TRANK1: variants seen among roughly 807,000 people sequenced by gnomAD.
The protein encoded by TRANK1 is tetratricopeptide repeat and ankyrin repeat containing 1.
A neutral mutation model predicts 266.0 loss-of-function variants in TRANK1; 198 were observed. That is an observed-to-expected ratio of 0.74 (90% confidence interval 0.66 to 0.84). The LOEUF (loss-of-function observed/expected upper bound fraction) is 0.84, where lower values mean the gene tolerates loss of function less well. TRANK1 is among the 40% of genes least tolerant of loss of function. TRANK1 has a pLI of 0.00. For missense variants in TRANK1, 3,326 were observed against 3,634.6 expected, an observed-to-expected ratio of 0.92 and a Z score of 2.18; for synonymous variants, 1,396 against 1,384.1, an observed-to-expected ratio of 1.01 and a Z score of -0.19.
chr3:36,833,760 C>T lies in TRANK1; in HGVS notation c.5823G>A (p.Val1941=), dbSNP rs754558125. Residue 1941 remains valine (V), a synonymous_variant, in exon 22 of 24, where the codon GTG becomes GTA. Coordinates refer to ENST00000645898, the MANE Select transcript of TRANK1 (RefSeq NM_001329998.2). The part of the protein sequence containing the change: ...LSKLDIEDQL[V]FLKSRKRLAE... ...CTAAGCGTTTCCGAGACTTCAAGAA[C>T]ACCAGCTGGTCTTCTATGTCTAGCT... 1 of 1,614,032 alleles carries T rather than the reference C, an allele frequency of 6.2e-7. No homozygotes were observed. The highest frequency in any genetic ancestry group is 2.2e-5 in the East Asian group (1 of 44,886).
intron 5 of TRANK1, among the ~76,000 whole-genome samples, chr3:36,894,245 C>A (rs1378689159): frequency 6.6e-6 from 1 of 152,176 alleles, no homozygotes; most frequent in Middle Eastern, 3.2e-3. Flanking sequence ...CCATGGAGCT[C>A]TATTCATATC....
At chr3:36,860,758 C>T (rs1321554699) in intron 11 of TRANK1, 148 bp downstream of exon 11, 3 of 1,227,436 alleles carry the variant, frequency 2.4e-6, no homozygotes, top group Non-Finnish European at 2.2e-6. Context: ...ACCTCCATCA[C>T]TGTTTCAAAA....
chr3:36,894,565 A>C (rs1326162413), intron 5 of TRANK1, among the ~76,000 whole-genome samples: 1 of 152,126 alleles, frequency 6.6e-6, no homozygotes. Context: ...ATTTTTTAAT[A>C]CAGGGGTAAG....
intron 6 of TRANK1, among the ~76,000 whole-genome samples, chr3:36,892,617 T>TC (rs1047757930): frequency 3.3e-5 from 5 of 151,968 alleles, no homozygotes; most frequent in Admixed American, 2.6e-4. Flanking sequence ...TCACCTGAGG[T>TC]CAGGAGTTCA....
chr3:36,940,515 A>G (rs1243553553), intron 1 of TRANK1, among the ~76,000 whole-genome samples: 1 of 146,204 alleles, frequency 6.8e-6, no homozygotes, highest in Non-Finnish European at 1.5e-5. Flanking sequence ...AAAAAAAAAG[A>G]AGCTGCTCCT....
intron 1 of TRANK1, among the ~76,000 whole-genome samples, chr3:36,927,372 T>C (rs1024112238): frequency 1.4e-4 from 22 of 152,356 alleles, no homozygotes; most frequent in African/African-American, 5.3e-4. Context: ...AGACAACAGA[T>C]AAGTTGTAAG....
At chr3:36,918,611 GAAAGAAA>G (rs2080169976) in intron 1 of TRANK1, among the ~76,000 whole-genome samples, 11 of 135,582 alleles carry the variant, frequency 8.1e-5, no homozygotes, top group African/African-American at 2.3e-4. Flanking sequence ...AGGAAGGAAA[GAAAGAAA>G]GAAAGAAAGA....
Position 36,832,162 on chromosome 3 carries a change from A to G in TRANK1, c.7421T>C (p.Val2474Ala), listed in dbSNP as rs1207826611. ...GTAGCTCTTGGGGAGGCATAGAATGACATTCTTCCAGAGGCGGGCCAGCAC... is the reference window on the plus strand; with the variant it reads ...GTAGCTCTTGGGGAGGCATAGAATGGCATTCTTCCAGAGGCGGGCCAGCAC... ...GVVLARLWKN[V>A]ILCLPKSYIA... Residue 2474 changes from valine to alanine, a missense_variant, in exon 22 of 24, where the codon GTC (valine) becomes GCC (alanine). Val to Ala is a moderately conservative substitution (Grantham distance 64, BLOSUM62 0). Transcript: ENST00000645898. 1.2e-6 allele frequency: 2 copies of G among 1,613,882 alleles called. No homozygotes were observed. Among genetic ancestry groups the G allele is most frequent in the Non-Finnish European group, 1.7e-6 (2 of 1,179,892 alleles).
chr3:36,843,598 C>T (rs764143131), intron 17 of TRANK1, among the ~76,000 whole-genome samples: 1 of 151,420 alleles, frequency 6.6e-6, no homozygotes, highest in Non-Finnish European at 1.5e-5. Flanking sequence ...CTGCCACCTG[C>T]ATCCCCCAGA....
At chr3:36,933,860 A>C (rs1385555800) in intron 1 of TRANK1, among the ~76,000 whole-genome samples, 2 of 152,190 alleles carry the variant, frequency 1.3e-5, no homozygotes, top group African/African-American at 4.8e-5. Context: ...AGTCTGTGGG[A>C]CTCAAGACCT....
chr3:36,836,060 C>T (rs2125511751), intron 20 of TRANK1, among the ~76,000 whole-genome samples: 1 of 152,314 alleles, frequency 6.6e-6, no homozygotes, highest in Admixed American at 6.5e-5. Context: ...ATTAAAGCCA[C>T]AGTGAAATAC....
chr3:36,918,168 T>G lies in TRANK1; in HGVS notation c.24-9714A>C, dbSNP rs553463644. ...AGCCAGTCACCAAAAAACAAGTATTTTACAATTCTACTTATATGAGCTACT... is the reference window on the plus strand; with the variant it reads ...AGCCAGTCACCAAAAAACAAGTATTGTACAATTCTACTTATATGAGCTACT... On this transcript the variant is annotated intron_variant, in intron 1 of 23. Transcript: ENST00000645898. 3.3e-5 allele frequency among the ~76,000 whole-genome samples: 5 copies of G among 152,168 alleles called. No individual in the cohort carries two copies. In the South Asian group the frequency reaches 1.0e-3, roughly 32 times the overall value.
Position 36,889,839 on chromosome 3 carries a change from G to A in TRANK1, c.897C>T (p.Tyr299=). ...AATGCCACTACTCACGCTTAACGAG[G>A]TATCCTGGGGAGTGGGCAGCGACGA... The part of the protein sequence containing the change: ...LHVVAAHSPG[Y]LVKRQTEDVQ... Residue 299 remains tyrosine (Y), a synonymous_variant, in exon 8 of 24, where the codon TAC becomes TAT. Transcript: ENST00000645898. 1.3e-6 allele frequency: 2 copies of A among 1,536,198 alleles called. No individual in the cohort carries two copies. The highest frequency in any genetic ancestry group is 8.7e-7 in the Non-Finnish European group (1 of 1,146,518).
At position 36,892,930 on chromosome 3, in the gene TRANK1, G is replaced by C. The variant is rs749598365; in HGVS notation, c.607C>G (p.Pro203Ala). 1 of 1,509,452 alleles carries C rather than the reference G, an allele frequency of 6.6e-7. No individual in the cohort carries two copies. The highest frequency in any genetic ancestry group is 1.3e-5 in the South Asian group (1 of 79,274). 93.5% of individuals were successfully genotyped at this position (1,509,452 alleles called of 1,614,324 possible). Residue 203 changes from proline to alanine, a missense_variant, in exon 6 of 24, where the codon CCA (proline) becomes GCA (alanine). Transcript: ENST00000645898. ...KDRLPRNIHVPELSLKSLFEK... is the reference protein window; with the variant it reads ...KDRLPRNIHVAELSLKSLFEK... ...AAGAGACTTTTCAGTGATAACTCTGGGACATGAATATTTCTTGGTAATCGG... is the reference window on the plus strand; with the variant it reads ...AAGAGACTTTTCAGTGATAACTCTGCGACATGAATATTTCTTGGTAATCGG...
At position 36,857,214 on chromosome 3, in the gene TRANK1, G is replaced by A. The variant is rs190957384; in HGVS notation, c.2508C>T (p.Ile836=). The A allele has an allele frequency of 2.4e-4, 380 of 1,613,808 alleles. 4 individuals carry two copies. In the Middle Eastern group the frequency reaches 5.4e-3, roughly 23 times the overall value. ...LQDFDNMTWE[I]ECTSEMLKKL... Reference sequence around the variant, plus strand: ...TCTTCAGCATTTCTGAAGTGCACTCGATCTCCCAGGTCATGTTATCGAAGT... The same window carrying A: ...TCTTCAGCATTTCTGAAGTGCACTCAATCTCCCAGGTCATGTTATCGAAGT... The change falls in exon 13 of 24, where the codon ATC becomes ATT. Residue 836 remains isoleucine, a synonymous_variant. Transcript: ENST00000645898. The surrounding 1 kb of genome is among the most constrained non-coding windows in gnomAD (Gnocchi z 4.3).
At chr3:36,834,076 G>A (rs536281935) in intron 21 of TRANK1, among the ~76,000 whole-genome samples, 157 bp from the exon 22 acceptor site, 5 of 152,220 alleles carry the variant, frequency 3.3e-5, no homozygotes, top group African/African-American at 1.2e-4. Flanking sequence ...TTTTTACAAA[G>A]GCCTTATTTT....
chr3:36,831,603 G>A lies in TRANK1; in HGVS notation c.7980C>T (p.Val2660=). The change falls in exon 22 of 24, where the codon GTC becomes GTT. Residue 2660 remains valine, a synonymous_variant. Coordinates refer to ENST00000645898, the MANE Select transcript of TRANK1 (RefSeq NM_001329998.2). The surrounding 1 kb of genome is among the most constrained non-coding windows in gnomAD (Gnocchi z 5.0). ...TGACCTCCTCATAATAGAGGCCACGGACTATGGACCCTTTGGTGTGCACAG... is the reference window on the plus strand; with the variant it reads ...TGACCTCCTCATAATAGAGGCCACGAACTATGGACCCTTTGGTGTGCACAG... The part of the protein sequence containing the change: ...WDPVHTKGSI[V]RGLYYEEVRL... The A allele has an allele frequency of 1.2e-6, 2 of 1,613,868 alleles. No individual in the cohort carries two copies. Among genetic ancestry groups the A allele is most frequent in the Non-Finnish European group, 1.7e-6 (2 of 1,179,818 alleles).
At chr3:36,865,809 G>A (rs2079209124) in intron 9 of TRANK1, among the ~76,000 whole-genome samples, 1 of 151,894 alleles carries the variant, frequency 6.6e-6, no homozygotes, top group African/African-American at 2.4e-5. Flanking sequence ...CATGCCTGTG[G>A]TCCCAGCTAC....
chr3:36,864,588 G>T, intron 9 of TRANK1, 108 bp from the exon 10 acceptor site: 1 of 1,045,930 alleles, frequency 9.6e-7, no homozygotes, highest in Non-Finnish European at 1.3e-6. Flanking sequence ...ATGCTGTGCA[G>T]TGTGACTTGC....
Sources: allele counts gnomAD v4.1 joint callset (sites outside exome capture counted in the v4.1 genomes callset), GRCh38; gene constraint gnomAD v4.1.1; non-coding constraint Gnocchi (gnomAD v3.1); transcripts MANE v1.5; gene names NCBI Gene and HGNC (gene_info 2026-07-23, HGNC 2026-07-21).